Variants in ADGRE1 observed in about 807,000 individuals in gnomAD.
ADGRE1 encodes EGF-like module receptor 1.
A neutral mutation model predicts 102.7 loss-of-function variants in ADGRE1; 82 were observed. The ratio of observed to expected loss-of-function variants is 0.80; its 90% CI spans 0.67 to 0.96. The LOEUF (loss-of-function observed/expected upper bound fraction) is 0.96. Ranked by LOEUF, ADGRE1 falls within the 40% of genes least tolerant of loss-of-function variation. The pLI is 0.00. For missense variants in ADGRE1, 1,032 were observed against 1,085.3 expected, an observed-to-expected ratio of 0.95 and a Z score of 0.69; for synonymous variants, 398 against 399.6, an observed-to-expected ratio of 1.00 and a Z score of 0.05.
Position 6,935,035 on chromosome 19 carries a change from C to A in ADGRE1, c.2338C>A (p.Leu780Ile), listed in dbSNP as rs139522178. Residue 780 changes from leucine to isoleucine, a missense_variant, in exon 18 of 21, where the codon CTT becomes ATT. Physicochemically the swap from Leu to Ile is conservative, Grantham distance 5. Coordinates refer to ENST00000312053, the MANE Select transcript of ADGRE1 (RefSeq NM_001974.5). ...TWTLWILRQR[L>I]SSVNAEVSTL... ...GACCTTGTGGATCCTGAGGCAGAGGCTTTCCAGTGTTAATGCCGAAGTCTC... is the reference window on the plus strand; with the variant it reads ...GACCTTGTGGATCCTGAGGCAGAGGATTTCCAGTGTTAATGCCGAAGTCTC... 38 of 1,600,988 alleles carry A rather than the reference C, an allele frequency of 2.4e-5. No homozygotes were observed. Among genetic ancestry groups the A allele is most frequent in the Non-Finnish European group, 3.0e-5 (35 of 1,173,296 alleles).
intron 17 of ADGRE1, among the ~76,000 whole-genome samples, chr19:6,931,515 C>T (rs761093559): frequency 3.3e-5 from 5 of 151,970 alleles, no homozygotes; most frequent in African/African-American, 4.8e-5. Flanking sequence ...GTAAGATCAC[C>T]GGCCAGGTGC....
chr19:6,930,613 T>C (rs891674050), intron 17 of ADGRE1, among the ~76,000 whole-genome samples: 1 of 152,034 alleles, frequency 6.6e-6, no homozygotes, highest in Non-Finnish European at 1.5e-5. Context: ...TTCTTCTGGT[T>C]TTTGTTTTGT....
chr19:6,914,519 T>C (rs459998), intron 11 of ADGRE1, among the ~76,000 whole-genome samples: 80,505 of 151,972 alleles, frequency 0.53, 22,059 homozygotes, highest in East Asian at 0.77. Context: ...TCTTTTACAT[T>C]AGCACCCCAC....
At chr19:6,888,055 A>G (rs905071459) in intron 1 of ADGRE1, among the ~76,000 whole-genome samples, 1 of 152,222 alleles carries the variant, frequency 6.6e-6, no homozygotes, top group Non-Finnish European at 1.5e-5. Context: ...CAACATTTCT[A>G]TGACATTGGG....
intron 2 of ADGRE1, 109 bp from the exon 3 acceptor site, chr19:6,896,289 A>T (rs1263066010): frequency 2.8e-6 from 3 of 1,086,124 alleles, no homozygotes; most frequent in East Asian, 4.9e-5. Flanking sequence ...TTTTGGGAGG[A>T]ACACAATCCA....
intron 11 of ADGRE1, among the ~76,000 whole-genome samples, chr19:6,915,944 A>AC (rs1974361714): frequency 6.6e-6 from 1 of 151,214 alleles, no homozygotes; most frequent in South Asian, 2.1e-4. Flanking sequence ...AAAAAAAAAA[A>AC]AACTTAGAGA....
At chr19:6,896,998 G>A in intron 3 of ADGRE1, 151 bp from the exon 4 acceptor site, 1 of 757,224 alleles carries the variant, frequency 1.3e-6, no homozygotes, top group South Asian at 2.0e-5. Flanking sequence ...TTCAAGATGG[G>A]GACATACCTT....
Position 6,898,501 on chromosome 19 carries a change from A to T in ADGRE1, c.514+954A>T, listed in dbSNP as rs1291610202. The stretch of plus-strand genomic sequence containing the variant: ...GTTCCCAGGGATGGGTCTTGAGTGG[A>T]TATCTATCAGTGGGGTGAGTTCATG... On this transcript the variant is annotated intron_variant, in intron 5 of 20. Coordinates refer to ENST00000312053, the MANE Select transcript of ADGRE1 (RefSeq NM_001974.5). 1.3e-5 allele frequency: 20 copies of T among 1,568,056 alleles called. No homozygotes were observed. The South Asian group carries it at 1.9e-4, about 15-fold the overall frequency.
At chr19:6,926,302 C>T (rs995800317) in intron 15 of ADGRE1, 64 bp from the exon 16 acceptor site, 1 of 1,564,490 alleles carries the variant, frequency 6.4e-7, no homozygotes, top group African/African-American at 1.3e-5. Flanking sequence ...TCTCTCTCTT[C>T]CTTTCTTCCT....
At chr19:6,914,716 C>T (rs1357470590) in intron 11 of ADGRE1, among the ~76,000 whole-genome samples, 3 of 152,092 alleles carry the variant, frequency 2.0e-5, no homozygotes, top group Non-Finnish European at 4.4e-5. Flanking sequence ...ATCTGGTATA[C>T]CAAATAGAGG....
At chr19:6,931,915 G>GGGC (rs1160434616) in intron 17 of ADGRE1, among the ~76,000 whole-genome samples, 1 of 151,732 alleles carries the variant, frequency 6.6e-6, no homozygotes, top group African/African-American at 2.4e-5. Flanking sequence ...TAAGGTCTTG[G>GGGC]GGCGCCTGGC....
At chr19:6,895,399 C>G (rs1278836003) in intron 2 of ADGRE1, 1 of 152,266 alleles carries the variant, frequency 6.6e-6, no homozygotes, top group African/African-American at 2.4e-5. Context: ...TTTGGGGGAA[C>G]AGCCACCATT....
At chr19:6,923,768 G>C (rs768946868) in intron 14 of ADGRE1, among the ~76,000 whole-genome samples, 2 of 151,332 alleles carry the variant, frequency 1.3e-5, no homozygotes, top group African/African-American at 2.4e-5. Context: ...AAGCTTCTGA[G>C]CTCAGGTGAT....
intron 12 of ADGRE1, among the ~76,000 whole-genome samples, chr19:6,917,839 G>A (rs897919066): frequency 3.3e-5 from 5 of 151,918 alleles, no homozygotes; most frequent in Admixed American, 6.6e-5. Flanking sequence ...TCTGTATACA[G>A]CAGGATGATC....
chr19:6,919,043 T>C (rs1020764226), intron 12 of ADGRE1, among the ~76,000 whole-genome samples: 13 of 151,698 alleles, frequency 8.6e-5, no homozygotes, highest in Non-Finnish European at 1.8e-4. Flanking sequence ...TTTTATTTTG[T>C]TTTGTTTTGA....
chr19:6,896,718 G>A, intron 3 of ADGRE1, 177 bp downstream of exon 3: 1 of 679,916 alleles, frequency 1.5e-6, no homozygotes, highest in South Asian at 2.3e-5. Context: ...GATATGTGGG[G>A]GTGTTGTTAC....
In ADGRE1 at chr19:6,934,900, C is replaced by A. The variant is rs979687612; in HGVS notation, c.2290-87C>A. 4 of 894,930 alleles carry A rather than the reference C, an allele frequency of 4.5e-6. No individual in the cohort carries two copies. In the Admixed American group the frequency reaches 8.9e-5, roughly 20 times the overall value. 55.4% of individuals were successfully genotyped at this position (894,930 alleles called of 1,614,324 possible). On this transcript the variant is annotated intron_variant, in intron 17 of 20. Transcript: ENST00000312053. ...GGGATTACAGACGTGAGCCACCACG[C>A]CCAGCCCAGAGTTCTCTTTTTATAG...
At chr19:6,899,044 T>A (rs967118242) in intron 5 of ADGRE1, among the ~76,000 whole-genome samples, 2 of 152,218 alleles carry the variant, frequency 1.3e-5, no homozygotes, top group African/African-American at 4.8e-5. Flanking sequence ...TGCTTTGTGA[T>A]CTCAGTTGTG....
In ADGRE1 at chr19:6,937,394, T is replaced by C; in HGVS notation, c.2533T>C (p.Cys845Arg). 6.2e-7 allele frequency: 1 copy of C among 1,613,654 alleles called. No homozygotes were observed. The highest frequency in any genetic ancestry group is 8.5e-7 in the Non-Finnish European group (1 of 1,179,928). The change falls in exon 19 of 21, where the codon TGT (cysteine) becomes CGT (arginine). Residue 845 changes from cysteine to arginine, a missense_variant. Coordinates refer to ENST00000312053, the MANE Select transcript of ADGRE1 (RefSeq NM_001974.5). ...GGGGGCCTTCATCTTCCTCATCCACTGTCTGCTCAACGGCCAGGTGTGTAG... is the reference window on the plus strand; with the variant it reads ...GGGGGCCTTCATCTTCCTCATCCACCGTCTGCTCAACGGCCAGGTGTGTAG... ...LQGAFIFLIH[C>R]LLNGQVREEY...
Sources: allele counts gnomAD v4.1 joint callset (sites outside exome capture counted in the v4.1 genomes callset), GRCh38; gene constraint gnomAD v4.1.1; transcripts MANE v1.5; gene names NCBI Gene and HGNC (gene_info 2026-07-23, HGNC 2026-07-21).